Variants in EFCAB11 observed in about 807,000 individuals in gnomAD.
EFCAB11 encodes the protein EF-hand calcium binding domain 11.
In EFCAB11, 14 loss-of-function variants were observed where a neutral mutation model predicts 23.0. The ratio of observed to expected loss-of-function variants is 0.61; its 90% CI spans 0.40 to 0.95. The LOEUF (loss-of-function observed/expected upper bound fraction) is 0.95, where lower values mean the gene tolerates loss of function less well. Among genes scored for constraint, EFCAB11 ranks in the 40% least tolerant of loss-of-function variants. The probability of loss-of-function intolerance (pLI) is 0.00; values close to 1 mark genes in which losing one functional copy is unlikely to be tolerated. For synonymous variants in EFCAB11, 65 were observed against 66.6 expected (o/e 0.98, Z 0.11); for missense variants, 198 against 195.8 (o/e 1.01, Z -0.07).
intron 4 of EFCAB11, 149 bp from the exon 5 acceptor site, chr14:89,931,780 A>G (rs904699711): frequency 1.8e-5 from 12 of 662,772 alleles, no homozygotes; most frequent in Non-Finnish European, 3.1e-5. Context: ...AGGTAATCTG[A>G]GATTGTCTCA....
At chr14:89,836,126 G>A (rs187322801) in intron 5 of EFCAB11, among the ~76,000 whole-genome samples, 1 of 152,268 alleles carries the variant, frequency 6.6e-6, no homozygotes, top group Admixed American at 6.5e-5. Context: ...AGTACCACAA[G>A]AGGTTTACAG....
intron 5 of EFCAB11, among the ~76,000 whole-genome samples, chr14:89,806,572 C>G (rs1205800233): frequency 6.6e-6 from 1 of 152,158 alleles, no homozygotes; most frequent in African/African-American, 2.4e-5. Context: ...TCCTACACTT[C>G]TGAGTCACTA....
intron 5 of EFCAB11, among the ~76,000 whole-genome samples, chr14:89,908,280 G>A (rs1247748557): frequency 6.6e-6 from 1 of 152,270 alleles, no homozygotes; most frequent in South Asian, 2.1e-4. Context: ...GCATTCGCTC[G>A]CTTAATCCTC....
chr14:89,839,571 T>C (rs368129563), intron 5 of EFCAB11, among the ~76,000 whole-genome samples: 1 of 152,054 alleles, frequency 6.6e-6, no homozygotes, highest in East Asian at 1.9e-4. Flanking sequence ...GGGAAACAAG[T>C]GAGGTGGTTT....
intron 3 of EFCAB11, 91 bp downstream of exon 3, chr14:89,950,006 G>A (rs1238036813): frequency 4.4e-6 from 6 of 1,351,446 alleles, no homozygotes; most frequent in East Asian, 2.7e-5. Context: ...ACAACACATA[G>A]GAATTTGAGA....
intron 5 of EFCAB11, among the ~76,000 whole-genome samples, chr14:89,858,289 A>G (rs1249105207): frequency 1.3e-5 from 2 of 152,200 alleles, no homozygotes; most frequent in African/African-American, 4.8e-5. Context: ...AAGCCTTCAG[A>G]TGACCAATAC....
chr14:89,910,939 A>G (rs145191336), intron 5 of EFCAB11, among the ~76,000 whole-genome samples: 10 of 152,350 alleles, frequency 6.6e-5, no homozygotes, highest in African/African-American at 2.4e-4. Flanking sequence ...GAGACAATGT[A>G]GTATAATATT....
At chr14:89,811,785 G>C (rs1375663743) in intron 5 of EFCAB11, among the ~76,000 whole-genome samples, 1 of 152,156 alleles carries the variant, frequency 6.6e-6, no homozygotes, top group Non-Finnish European at 1.5e-5. Flanking sequence ...TTGGATTTTG[G>C]CCTCCAGAAA....
chr14:89,898,920 C>A (rs1325072305), intron 5 of EFCAB11, among the ~76,000 whole-genome samples: 1 of 152,078 alleles, frequency 6.6e-6, no homozygotes, highest in African/African-American at 2.4e-5. Flanking sequence ...GCCATCCTCC[C>A]ACCTCGGACT....
At chr14:89,835,228 C>T (rs1596391122) in intron 5 of EFCAB11, among the ~76,000 whole-genome samples, 1 of 152,170 alleles carries the variant, frequency 6.6e-6, no homozygotes, top group Non-Finnish European at 1.5e-5. Context: ...GAGGCAGAGG[C>T]CCAGCATGTT....
At chr14:89,923,770 A>G (rs2281751) in intron 5 of EFCAB11, 128,663 of 985,154 alleles carry the variant, frequency 0.13, 9,780 homozygotes, top group South Asian at 0.31. Context: ...TCTGAAGCAC[A>G]AAATAATGAC....
At chr14:89,828,088 C>T (rs1425004907) in intron 5 of EFCAB11, among the ~76,000 whole-genome samples, 1 of 152,064 alleles carries the variant, frequency 6.6e-6, no homozygotes, top group African/African-American at 2.4e-5. Context: ...GAAATTTTTG[C>T]CTAAAGCCAT....
intron 5 of EFCAB11, among the ~76,000 whole-genome samples, chr14:89,852,186 T>C (rs1109883): frequency 0.4 from 60,773 of 152,108 alleles, 15,275 homozygotes; most frequent in Non-Finnish European, 0.57. Context: ...GAAGATCAAA[T>C]ACAATGAGAC....
intron 5 of EFCAB11, among the ~76,000 whole-genome samples, chr14:89,914,532 C>G (rs996468412): frequency 6.6e-6 from 1 of 152,178 alleles, no homozygotes; most frequent in African/African-American, 2.4e-5. Flanking sequence ...CGCCTGTAAT[C>G]CCAGCACTTT....
intron 5 of EFCAB11, among the ~76,000 whole-genome samples, chr14:89,898,140 A>T (rs1889225671): frequency 6.6e-6 from 1 of 152,210 alleles, no homozygotes; most frequent in Non-Finnish European, 1.5e-5. Flanking sequence ...GCCAGGGGCC[A>T]AGAACCCTGG....
chr14:89,870,946 A>G (rs1187020506), intron 5 of EFCAB11, among the ~76,000 whole-genome samples: 1 of 152,124 alleles, frequency 6.6e-6, no homozygotes, highest in East Asian at 1.9e-4. Context: ...TCTCAAAACA[A>G]AAACAAAAAC....
chr14:89,932,417 A>T, intron 4 of EFCAB11, 109 bp downstream of exon 4: 1 of 822,114 alleles, frequency 1.2e-6, no homozygotes, highest in Non-Finnish European at 1.9e-6. Flanking sequence ...TGAATACAGT[A>T]ATATAATCTT....
intron 5 of EFCAB11, among the ~76,000 whole-genome samples, chr14:89,918,013 G>A (rs1324588751): frequency 6.6e-6 from 1 of 152,128 alleles, no homozygotes; most frequent in Non-Finnish European, 1.5e-5. Context: ...GTGAGAAGCT[G>A]GCAACAATGA....
At chr14:89,886,244 G>A (rs547669194) in intron 5 of EFCAB11, among the ~76,000 whole-genome samples, 106 of 152,150 alleles carry the variant, frequency 7.0e-4, no homozygotes, top group South Asian at 3.7e-3. Flanking sequence ...TCGGTCAGGC[G>A]TGGTGGCTCA....
Sources: gnomAD v4.1 joint callset for allele counts (sites outside exome capture counted in the v4.1 genomes callset) on GRCh38, gnomAD v4.1.1 for gene constraint, MANE v1.5 for transcripts, NCBI Gene and HGNC (gene_info 2026-07-23, HGNC 2026-07-21) for gene names.